NALF1: variants seen among roughly 807,000 people sequenced by gnomAD.
The protein encoded by NALF1 is NALCN channel auxiliary factor 1.
In NALF1, 3 loss-of-function variants were observed where a neutral mutation model predicts 48.4. The ratio of observed to expected loss-of-function variants is 0.06; its 90% CI spans 0.03 to 0.16. The LOEUF (loss-of-function observed/expected upper bound fraction) is 0.16, where lower values mean the gene tolerates loss of function less well. Among genes scored for constraint, NALF1 ranks in the 10% least tolerant of loss-of-function variants. The pLI is 1.00. For synonymous variants in NALF1, 262 were observed against 245.7 expected (o/e 1.07, Z -0.62); for missense variants, 526 against 571.5 (o/e 0.92, Z 0.81).
At chr13:107,366,743 C>T (rs1183437724) in intron 1 of NALF1, among the ~76,000 whole-genome samples, 5 of 152,168 alleles carry the variant, frequency 3.3e-5, no homozygotes, top group South Asian at 2.1e-4. Context: ...AGGGTTGGTC[C>T]GACATCCCAT....
At chr13:107,540,378 G>GT (rs779342719) in intron 1 of NALF1, among the ~76,000 whole-genome samples, 174 of 152,176 alleles carry the variant, frequency 1.1e-3, no homozygotes, top group Non-Finnish European at 2.1e-3. Context: ...GATTTCAGCA[G>GT]TTTTTTAATA....
At chr13:107,241,441 A>G (rs1358411653) in intron 1 of NALF1, among the ~76,000 whole-genome samples, 2 of 152,190 alleles carry the variant, frequency 1.3e-5, no homozygotes, top group Non-Finnish European at 2.9e-5. Context: ...CAATTTTAAT[A>G]AAGTTAATGG....
intron 1 of NALF1, among the ~76,000 whole-genome samples, chr13:107,709,874 T>C (rs1306912843): frequency 6.6e-6 from 1 of 152,240 alleles, no homozygotes; most frequent in Non-Finnish European, 1.5e-5. Flanking sequence ...TATGGTCTAT[T>C]CCATAGCTCT....
intron 1 of NALF1, among the ~76,000 whole-genome samples, chr13:107,216,818 C>T (rs116663844): frequency 0.012 from 1,762 of 152,234 alleles, 32 homozygotes; most frequent in African/African-American, 0.04. Flanking sequence ...ACAGGGCCAA[C>T]GCAAGCCCAG....
intron 1 of NALF1, among the ~76,000 whole-genome samples, chr13:107,297,642 T>C (rs1383518806): frequency 6.6e-6 from 1 of 152,206 alleles, no homozygotes; most frequent in Non-Finnish European, 1.5e-5. Context: ...GTCAGAGTGA[T>C]CACACATTTG....
intron 1 of NALF1, among the ~76,000 whole-genome samples, chr13:107,482,632 C>A (rs182201084): frequency 1.6e-3 from 250 of 152,022 alleles, no homozygotes; most frequent in African/African-American, 5.3e-3. Flanking sequence ...TAAAAATAGC[C>A]CATTAAATTA....
chr13:107,463,559 C>T (rs1418843810), intron 1 of NALF1, among the ~76,000 whole-genome samples: 2 of 152,058 alleles, frequency 1.3e-5, no homozygotes, highest in Non-Finnish European at 2.9e-5. Context: ...TTTTTGCCTC[C>T]AATAAGCTTC....
intron 1 of NALF1, among the ~76,000 whole-genome samples, chr13:107,381,799 A>G (rs1014370461): frequency 6.6e-6 from 1 of 152,082 alleles, no homozygotes; most frequent in Admixed American, 6.5e-5. Context: ...GCTACCACTC[A>G]TCCATCTCTG....
intron 1 of NALF1, among the ~76,000 whole-genome samples, chr13:107,647,731 T>C (rs1880349745): frequency 6.6e-6 from 1 of 152,106 alleles, no homozygotes; most frequent in Non-Finnish European, 1.5e-5. Flanking sequence ...GGAATTACTT[T>C]AAATATAATT....
chr13:107,254,014 A>C (rs74114016), intron 1 of NALF1, among the ~76,000 whole-genome samples: 14,028 of 146,744 alleles, frequency 0.096, 856 homozygotes, highest in African/African-American at 0.15. Context: ...ACCCCCAGTG[A>C]CAAAGTAGTT....
intron 1 of NALF1, among the ~76,000 whole-genome samples, chr13:107,847,706 G>A (rs1462966981): frequency 4.6e-5 from 7 of 152,150 alleles, no homozygotes; most frequent in Non-Finnish European, 5.9e-5. Context: ...ACGTGAGCTT[G>A]GAAGCTGATC....
chr13:107,742,562 T>C, intron 1 of NALF1, among the ~76,000 whole-genome samples: 1 of 152,180 alleles, frequency 6.6e-6, no homozygotes, highest in Non-Finnish European at 1.5e-5. Context: ...TACTTCCCCT[T>C]CCACCATGAT....
intron 1 of NALF1, among the ~76,000 whole-genome samples, chr13:107,655,331 A>G (rs1451315709): frequency 2.0e-5 from 3 of 152,166 alleles, no homozygotes; most frequent in South Asian, 4.1e-4. Context: ...ATTAATGTAC[A>G]CAAATCAGTA....
intron 1 of NALF1, among the ~76,000 whole-genome samples, chr13:107,248,502 G>A (rs986488631): frequency 1.3e-5 from 2 of 150,000 alleles, no homozygotes; most frequent in Non-Finnish European, 3.0e-5. Flanking sequence ...AATTCCCTGT[G>A]GCCTAAAGAA....
At chr13:107,307,635 T>TAAAAA (rs34252962) in intron 1 of NALF1, among the ~76,000 whole-genome samples, 1 of 117,424 alleles carries the variant, frequency 8.5e-6, no homozygotes, top group Admixed American at 9.4e-5. Context: ...CCTTTTTTAT[T>TAAAAA]AAAAAAAAAA....
chr13:107,845,709 T>C (rs74112678), intron 1 of NALF1, among the ~76,000 whole-genome samples: 1 of 152,130 alleles, frequency 6.6e-6, no homozygotes, highest in African/African-American at 2.4e-5. Context: ...GACTCCAAAA[T>C]ATTGCTAAAC....
At chr13:107,441,771 GA>G (rs1036005509) in intron 1 of NALF1, among the ~76,000 whole-genome samples, 2 of 152,152 alleles carry the variant, frequency 1.3e-5, no homozygotes, top group Non-Finnish European at 2.9e-5. Flanking sequence ...TAGGTGCAAG[GA>G]GACCAGTTAC....
intron 1 of NALF1, among the ~76,000 whole-genome samples, chr13:107,535,575 G>C (rs1876777343): frequency 6.6e-6 from 1 of 152,094 alleles, no homozygotes; most frequent in Non-Finnish European, 1.5e-5. Flanking sequence ...CAAAATAAAA[G>C]AGGACACAAA....
chr13:107,768,813 A>C (rs1877491201), intron 1 of NALF1, among the ~76,000 whole-genome samples: 1 of 152,168 alleles, frequency 6.6e-6, no homozygotes, highest in Admixed American at 6.5e-5. Flanking sequence ...TAATATCCAG[A>C]ATCTACAATG....
Sources: allele counts gnomAD v4.1 joint callset (sites outside exome capture counted in the v4.1 genomes callset), GRCh38; gene constraint gnomAD v4.1.1; transcripts MANE v1.5; gene names NCBI Gene and HGNC (gene_info 2026-07-23, HGNC 2026-07-21).